Variants in TJP3 observed in about 807,000 individuals in gnomAD.
The protein encoded by TJP3 is tight junction protein ZO-3.
A neutral mutation model predicts 104.2 loss-of-function variants in TJP3; 85 were observed. The ratio of observed to expected loss-of-function variants is 0.82; its 90% CI spans 0.68 to 0.98. The LOEUF (loss-of-function observed/expected upper bound fraction) is 0.98, where lower values mean the gene tolerates loss of function less well. Among genes scored for constraint, TJP3 ranks in the 50% least tolerant of loss-of-function variants. The pLI is 0.00. For synonymous variants in TJP3, 550 were observed against 550.6 expected, an observed-to-expected ratio of 1.00 and a Z score of 0.02; for missense variants, 1,367 against 1,322.8, an observed-to-expected ratio of 1.03 and a Z score of -0.52.
In TJP3 at chr19:3,748,068, AT is replaced by A; in HGVS notation, c.2598del (p.Gln867ArgfsTer27). On this transcript the variant is annotated frameshift_variant, in exon 19 of 21. Transcript: ENST00000541714. LOFTEE classifies it high-confidence loss of function. ...AGGGATCGTGGGAGAATCTCGGCTC[AT>A]CAGGGGGCCCAGGTGCGTCGGACAT... ...SPRDRGRISA[H>X]QGAQVDSRHP... 1 of 1,571,788 alleles carries A rather than the reference AT, an allele frequency of 6.4e-7. No individual in the cohort carries two copies. The highest frequency in any genetic ancestry group is 8.6e-7 in the Non-Finnish European group (1 of 1,158,316).
rs961840878 is a variant in TJP3 at position 3,747,691 on chromosome 19, C to G, written c.2323-103C>G. On this transcript the variant is annotated intron_variant, in intron 18 of 20. Transcript: ENST00000541714. The stretch of plus-strand genomic sequence containing the variant: ...CCACTGAGGCTCCAGGCTCCAGGCT[C>G]CTCGCCTTGATTTGGGACCAGAGTT... 34 of 1,377,258 alleles carry G rather than the reference C, an allele frequency of 2.5e-5. No individual in the cohort carries two copies. In the African/African-American group the frequency reaches 4.6e-4, roughly 19 times the overall value. The allele number at this position is 1,377,258 out of a possible 1,614,324, so 85.3% of individuals were successfully genotyped here. A position where few individuals can be genotyped will look rare whatever the true frequency, so the allele number is the denominator to read the frequency against.
In TJP3 at chr19:3,731,959, A is replaced by C. The variant is rs1260622882; in HGVS notation, c.638A>C (p.Gln213Pro). 1 of 1,613,532 alleles carries C rather than the reference A, an allele frequency of 6.2e-7. No homozygotes were observed. Among genetic ancestry groups the C allele is most frequent in the African/African-American group, 1.3e-5 (1 of 75,028 alleles). The change falls in exon 6 of 21, where the codon CAG becomes CCG. Residue 213 changes from glutamine (Q) to proline (P), a missense_variant. Gln to Pro is a moderately conservative substitution (Grantham distance 76). Coordinates refer to ENST00000541714, the MANE Select transcript of TJP3 (RefSeq NM_001267560.2). ...GAGTTTGGCGTCAAGCTGGGCAGTC[A>C]GATCTTCATCAAGCACATTACAGAT... ...SEEFGVKLGS[Q>P]IFIKHITDSG...
At chr19:3,721,736 C>T (rs2036543694) in intron 1 of TJP3, 4 of 385,678 alleles carry the variant, frequency 1.0e-5, no homozygotes, top group Middle Eastern at 6.6e-4. Flanking sequence ...GGGGCAGGTG[C>T]AGCCGGGAGC....
In TJP3 at chr19:3,746,059, C is replaced by T. The variant is rs764246780; in HGVS notation, c.1988C>T (p.Thr663Ile). The T allele has an allele frequency of 3.1e-6, 5 of 1,609,840 alleles. No individual in the cohort carries two copies. Among genetic ancestry groups the T allele is most frequent in the Non-Finnish European group, 4.2e-6 (5 of 1,178,038 alleles). The change falls in exon 16 of 21, where the codon ACC becomes ATC. Residue 663 changes from threonine to isoleucine, a missense_variant. By Grantham distance (89) the Thr-to-Ile change is moderately conservative. Transcript: ENST00000541714. The surrounding 1 kb of genome is among the most constrained non-coding windows in gnomAD (Gnocchi z 4.1). ...DSPSKIIKLD[T>I]VRVIAEKDKH... ...CCCTCCAAGATCATCAAACTAGACA[C>T]CGTGCGGGTGATTGCAGAAAAAGTA...
chr19:3,719,961 G>A (rs1311872876), intron 1 of TJP3, among the ~76,000 whole-genome samples: 1 of 152,104 alleles, frequency 6.6e-6, no homozygotes, highest in Non-Finnish European at 1.5e-5. Flanking sequence ...GCCCAGCCTG[G>A]TCTCAAACTC....
chr19:3,735,491 G>A (rs912667241), intron 8 of TJP3, 75 bp from the exon 9 acceptor site: 7 of 1,464,106 alleles, frequency 4.8e-6, no homozygotes, highest in African/African-American at 1.4e-5. Context: ...GAACCACCGT[G>A]CCCGGCCTAA....
chr19:3,723,761 C>G (rs1486111290), intron 1 of TJP3, among the ~76,000 whole-genome samples: 2 of 148,216 alleles, frequency 1.3e-5, no homozygotes, highest in African/African-American at 5.0e-5. Context: ...TCACTACACT[C>G]CAGCCTGGGT....
chr19:3,738,865 A>G, intron 12 of TJP3, 32 bp from the exon 13 acceptor site: 3 of 1,536,720 alleles, frequency 2.0e-6, no homozygotes, highest in Non-Finnish European at 1.8e-6. Context: ...GCAGCAGCCC[A>G]GGCAGCTCAT....
At chr19:3,716,999 CTT>C (rs1255726838) in intron 1 of TJP3, among the ~76,000 whole-genome samples, 1 of 127,252 alleles carries the variant, frequency 7.9e-6, no homozygotes, top group Non-Finnish European at 1.7e-5. Flanking sequence ...GAGTTTCGCT[CTT>C]GTTGCCCAGG....
At chr19:3,745,772 C>T (rs2036879183) in intron 15 of TJP3, among the ~76,000 whole-genome samples, 2 of 152,196 alleles carry the variant, frequency 1.3e-5, no homozygotes, top group Admixed American at 1.3e-4. Flanking sequence ...TCCCCACCTG[C>T]CACATAGGCC....
chr19:3,737,552 C>T (rs1351647673), intron 11 of TJP3, among the ~76,000 whole-genome samples: 1 of 152,150 alleles, frequency 6.6e-6, no homozygotes, highest in Non-Finnish European at 1.5e-5. Context: ...CCCCCCATCT[C>T]TGTCCTTGCC....
intron 1 of TJP3, among the ~76,000 whole-genome samples, chr19:3,724,930 G>T (rs1162424012): frequency 1.3e-5 from 2 of 152,098 alleles, no homozygotes; most frequent in Non-Finnish European, 2.9e-5. Context: ...AAGAAAAAGA[G>T]TAAATAATCA....
chr19:3,721,142 C>T (rs1018883499), intron 1 of TJP3, among the ~76,000 whole-genome samples: 2 of 152,018 alleles, frequency 1.3e-5, no homozygotes, highest in Non-Finnish European at 2.9e-5. Flanking sequence ...CCTCGTGATC[C>T]GCTCGCCTCG....
intron 1 of TJP3, among the ~76,000 whole-genome samples, chr19:3,713,105 C>A (rs982042260): frequency 3.9e-5 from 6 of 152,132 alleles, no homozygotes; most frequent in Non-Finnish European, 5.9e-5. Flanking sequence ...CCTCCAGCCT[C>A]CCCAGGACGC....
chr19:3,747,111 A>G (rs1216938066), intron 18 of TJP3, among the ~76,000 whole-genome samples: 2 of 151,984 alleles, frequency 1.3e-5, no homozygotes, highest in Non-Finnish European at 1.5e-5. Flanking sequence ...CCCAGGCTGG[A>G]GTACAGTGGT....
chr19:3,714,875 G>A (rs1235444490), intron 1 of TJP3, among the ~76,000 whole-genome samples: 7 of 152,124 alleles, frequency 4.6e-5, no homozygotes, highest in African/African-American at 1.7e-4. Flanking sequence ...AGATCACACT[G>A]GCCCTGAACG....
chr19:3,732,338 C>G (rs1241963833), intron 6 of TJP3, among the ~76,000 whole-genome samples: 1 of 152,046 alleles, frequency 6.6e-6, no homozygotes, highest in African/African-American at 2.4e-5. Context: ...TGGACCTACC[C>G]TAGGTGACTG....
chr19:3,739,030 C>A lies in TJP3; in HGVS notation c.1527C>A (p.His509Gln), dbSNP rs772981212. The change falls in exon 13 of 21, where the codon CAC becomes CAA. Residue 509 changes from histidine to glutamine, a missense_variant. Coordinates refer to ENST00000541714, the MANE Select transcript of TJP3 (RefSeq NM_001267560.2). The part of the protein sequence containing the change: ...GDVFHVLDTL[H>Q]PGPGQSHARG... ...TCTTCCACGTGCTGGACACGCTGCA[C>A]CCCGGCCCCGGGCAGAGCCACGCAC... 1.2e-6 allele frequency: 2 copies of A among 1,612,098 alleles called. No homozygotes were observed. Among genetic ancestry groups the A allele is most frequent in the South Asian group, 1.1e-5 (1 of 90,928 alleles).
In TJP3 at chr19:3,733,881, T is replaced by C; in HGVS notation, c.846T>C (p.Ala282=). The C allele has an allele frequency of 6.2e-7, 1 of 1,614,158 alleles. No homozygotes were observed. The highest frequency in any genetic ancestry group is 1.1e-5 in the South Asian group (1 of 91,084). ...RGQFLVNIPP[A]VSDSDSSPLE... is the part of the protein sequence containing the mutation. ...AGTTCCTGGTGAACATTCCGCCTGC[T>C]GTCAGTGACAGCGACAGCTCGCCAT... is the stretch of plus-strand genomic sequence containing the variant. Residue 282 remains alanine (A), a synonymous_variant, in exon 7 of 21, where the codon GCT becomes GCC. Coordinates refer to ENST00000541714, the MANE Select transcript of TJP3 (RefSeq NM_001267560.2).
Sources: allele counts gnomAD v4.1 joint callset (sites outside exome capture counted in the v4.1 genomes callset), GRCh38; gene constraint gnomAD v4.1.1; non-coding constraint Gnocchi (gnomAD v3.1); transcripts MANE v1.5; gene names NCBI Gene and HGNC (gene_info 2026-07-23, HGNC 2026-07-21).